KCNMA1: variants seen among roughly 807,000 people sequenced by gnomAD.
KCNMA1 encodes potassium calcium-activated channel subfamily M alpha 1, also known as Calcium-activated potassium channel subunit alpha-1.
In KCNMA1, 29 loss-of-function variants were observed where a neutral mutation model predicts 140.0. The ratio of observed to expected loss-of-function variants is 0.21; its 90% confidence interval spans 0.15 to 0.28. The LOEUF is 0.28. KCNMA1 is among the 10% of genes least tolerant of loss of function. The probability of loss-of-function intolerance (pLI) is 1.00; values close to 1 mark genes in which losing one functional copy is unlikely to be tolerated. For missense variants in KCNMA1, 880 were observed against 1,602.2 expected (o/e 0.55, Z 7.70); for synonymous variants, 612 against 611.9 (o/e 1.00, Z 0.00).
intron 1 of KCNMA1, among the ~76,000 whole-genome samples, chr10:77,551,341 A>G (rs2062803515): frequency 6.6e-6 from 1 of 152,154 alleles, no homozygotes; most frequent in Non-Finnish European, 1.5e-5. Context: ...ATCATATGTC[A>G]CAGACAGAGG....
chr10:76,893,542 C>T (rs1033650999), intron 25 of KCNMA1, among the ~76,000 whole-genome samples: 6 of 151,964 alleles, frequency 3.9e-5, no homozygotes, highest in Admixed American at 2.6e-4. Context: ...GGAGTTGGGA[C>T]CAGGCTGGCC....
At chr10:77,099,030 T>C (rs1680515953) in intron 9 of KCNMA1, among the ~76,000 whole-genome samples, 1 of 152,054 alleles carries the variant, frequency 6.6e-6, no homozygotes, top group African/African-American at 2.4e-5. Flanking sequence ...GCACTTTCCT[T>C]TTTTCAGATC....
chr10:76,887,106 A>G lies in KCNMA1; in HGVS notation c.*160T>C, dbSNP rs2037395062. 1 of 1,570,276 alleles carries G rather than the reference A, an allele frequency of 6.4e-7. No individual in the cohort carries two copies. The highest frequency in any genetic ancestry group is 1.3e-5 in the African/African-American group (1 of 74,098). ...CTCAAGGGTTTTATGGTGGTGAAAT[A>G]AAAATGACAACCACATGCACACTAT... On this transcript the variant is annotated 3_prime_UTR_variant, in exon 28 of 28. Transcript: ENST00000286628.
chr10:77,380,994 C>T (rs1442052285), intron 2 of KCNMA1, among the ~76,000 whole-genome samples: 1 of 152,144 alleles, frequency 6.6e-6, no homozygotes, highest in Non-Finnish European at 1.5e-5. Context: ...GCTTTTCTGA[C>T]CTTAGATTCC....
At chr10:77,375,470 T>C (rs914604821) in intron 2 of KCNMA1, among the ~76,000 whole-genome samples, 2 of 152,324 alleles carry the variant, frequency 1.3e-5, no homozygotes, top group African/African-American at 2.4e-5. Flanking sequence ...CGGCTGTTAA[T>C]GACCTGGTGC....
chr10:76,885,216 G>GTT lies in KCNMA1; in HGVS notation c.*2048_*2049dup. On this transcript the variant is annotated 3_prime_UTR_variant, in exon 28 of 28. Coordinates refer to ENST00000286628, the MANE Select transcript of KCNMA1 (RefSeq NM_001161352.2). ...ATACATATATATAGTTATATATATA[G>GTT]TTATATATATATAATTATATAGTTA... 2.1e-6 allele frequency: 1 copy of GTT among 484,844 alleles called. No homozygotes were observed. The highest frequency in any genetic ancestry group is 2.7e-6 in the Non-Finnish European group (1 of 371,326). 30.0% of individuals were successfully genotyped at this position (484,844 alleles called of 1,614,324 possible).
chr10:76,994,283 AAATT>A (rs1213838520), intron 19 of KCNMA1, among the ~76,000 whole-genome samples: 4 of 152,230 alleles, frequency 2.6e-5, no homozygotes, highest in African/African-American at 7.2e-5. Flanking sequence ...AATAAGGGTT[AAATT>A]AATTAATATT....
chr10:77,499,293 G>A (rs1015940160), intron 1 of KCNMA1, among the ~76,000 whole-genome samples: 14 of 151,870 alleles, frequency 9.2e-5, no homozygotes, highest in African/African-American at 3.1e-4. Flanking sequence ...CAGATATAGA[G>A]GACAGGCAGC....
downstream of KCNMA1, chr10:76,872,787 T>C (rs2031611051): frequency 6.6e-6 from 1 of 152,242 alleles, no homozygotes; most frequent in South Asian, 2.1e-4. Context: ...CGCAGTTCAA[T>C]GCAAACTCTT....
chr10:76,882,981 T>C (rs754932616), downstream of KCNMA1, among the ~76,000 whole-genome samples: 1 of 152,248 alleles, frequency 6.6e-6, no homozygotes, highest in Non-Finnish European at 1.5e-5. Context: ...AGCCTGTTGC[T>C]ATAGGAACCT....
At chr10:77,368,523 C>T (rs1009103241) in intron 2 of KCNMA1, among the ~76,000 whole-genome samples, 1 of 152,196 alleles carries the variant, frequency 6.6e-6, no homozygotes, top group African/African-American at 2.4e-5. Context: ...GTATCTTTCA[C>T]AGAATAATAG....
intron 25 of KCNMA1, among the ~76,000 whole-genome samples, chr10:76,900,622 C>T (rs1232233034): frequency 6.6e-6 from 1 of 152,042 alleles, no homozygotes; most frequent in Non-Finnish European, 1.5e-5. Flanking sequence ...TCTCAAGATG[C>T]TTGATAGTTC....
At chr10:77,119,057 A>T (rs550707451) in intron 6 of KCNMA1, among the ~76,000 whole-genome samples, 1 of 152,132 alleles carries the variant, frequency 6.6e-6, no homozygotes, top group East Asian at 1.9e-4. Flanking sequence ...ACAGCCTTCC[A>T]CCCCGTGACT....
At chr10:76,947,514 C>T (rs1421541685) in intron 22 of KCNMA1, among the ~76,000 whole-genome samples, 1 of 152,140 alleles carries the variant, frequency 6.6e-6, no homozygotes, top group Non-Finnish European at 1.5e-5. Flanking sequence ...TTTACAAAGA[C>T]ACTTTCAGAG....
intron 25 of KCNMA1, among the ~76,000 whole-genome samples, chr10:76,895,816 G>A (rs939178756): frequency 3.3e-5 from 5 of 152,130 alleles, no homozygotes; most frequent in Admixed American, 6.5e-5. Context: ...ACATGTCGGC[G>A]GGTTCCATGA....
chr10:77,516,201 C>CCA (rs1317028454), intron 1 of KCNMA1, among the ~76,000 whole-genome samples: 1 of 151,618 alleles, frequency 6.6e-6, no homozygotes, highest in African/African-American at 2.4e-5. Flanking sequence ...CCCCCCTACT[C>CCA]CGCCCCGCCA....
chr10:77,405,420 T>G lies in KCNMA1; in HGVS notation c.379-1397A>C, dbSNP rs966593658. 2.0e-5 allele frequency among the ~76,000 whole-genome samples: 3 copies of G among 152,222 alleles called. No homozygotes were observed. In the South Asian group the frequency reaches 6.2e-4, roughly 31 times the overall value. On this transcript the variant is annotated intron_variant, in intron 1 of 27. Coordinates refer to ENST00000286628, the MANE Select transcript of KCNMA1 (RefSeq NM_001161352.2). ...ACAGAGTTGGCTCAATAACCATGAATGAATGACTAGAAAGGGCTATGAGTA... is the reference window on the plus strand; with the variant it reads ...ACAGAGTTGGCTCAATAACCATGAAGGAATGACTAGAAAGGGCTATGAGTA...
At chr10:77,517,340 C>T (rs1015106903) in intron 1 of KCNMA1, among the ~76,000 whole-genome samples, 5 of 152,160 alleles carry the variant, frequency 3.3e-5, no homozygotes, top group Admixed American at 6.5e-5. Context: ...CAAGCTGACA[C>T]GAAGGATGAG....
chr10:77,315,585 A>G (rs1174742168), intron 2 of KCNMA1: 3 of 152,190 alleles, frequency 2.0e-5, no homozygotes, highest in Non-Finnish European at 4.4e-5. Context: ...AGTAGCATCA[A>G]TTTACTGGAG....
Sources: allele counts gnomAD v4.1 joint callset (sites outside exome capture counted in the v4.1 genomes callset), GRCh38; gene constraint gnomAD v4.1.1; transcripts MANE v1.5; gene names NCBI Gene and HGNC (gene_info 2026-07-23, HGNC 2026-07-21).